Variants in NPIPB8 observed in about 807,000 individuals in gnomAD.
NPIPB8 encodes nuclear pore complex interacting protein family member B8.
In NPIPB8, 3 loss-of-function variants were observed where a neutral mutation model predicts 5.3. The ratio of observed to expected loss-of-function variants is 0.57; its 90% CI spans 0.26 to 1.47. The LOEUF (loss-of-function observed/expected upper bound fraction) is 1.47, where lower values mean the gene tolerates loss of function less well. NPIPB8 is among the 40% of genes most tolerant of loss of function. The pLI, the probability that NPIPB8 is intolerant of heterozygous loss-of-function variation, is 0.13. For synonymous variants in NPIPB8, 18 were observed against 23.0 expected (o/e 0.78, Z 0.62); for missense variants, 50 against 50.2 (o/e 1.00, Z 0.01).
chr16:28,639,298 T>A (rs1325009089), intron 2 of NPIPB8, among the ~76,000 whole-genome samples: 1 of 149,594 alleles, frequency 6.7e-6, no homozygotes, highest in Non-Finnish European at 1.5e-5. Flanking sequence ...CTACAAAAAG[T>A]CCAATAGTAA....
rs199893305 is a variant in NPIPB8 at position 28,652,610 on chromosome 16, T to C, written c.599+246T>C. ...CTGGCATTGGTTTTCCTTTCTCTCT[T>C]TTTTTTTTTTTTTTCCTGAGATGGA... On this transcript the variant is annotated intron_variant, in intron 5 of 7. Transcript: ENST00000683297. Among the ~76,000 whole-genome samples the C allele has an allele frequency of 1.4e-3, 133 of 94,130 alleles. 2 individuals carry two copies. Among genetic ancestry groups the C allele is most frequent in the Middle Eastern group, 4.1e-3 (1 of 242 alleles). The allele number at this position is 94,130 out of a possible 152,430, so 61.8% of individuals were successfully genotyped here. A position where few individuals can be genotyped will look rare whatever the true frequency, so the allele number is the denominator to read the frequency against.
At chr16:28,639,422 C>T (rs2047852146) in intron 2 of NPIPB8, among the ~76,000 whole-genome samples, 1 of 141,814 alleles carries the variant, frequency 7.1e-6, no homozygotes, top group Non-Finnish European at 1.5e-5. Flanking sequence ...CACAGACACA[C>T]ACACAGACAC....
At chr16:28,640,686 C>T (rs1246078516) in intron 2 of NPIPB8, among the ~76,000 whole-genome samples, 2 of 152,246 alleles carry the variant, frequency 1.3e-5, no homozygotes, top group Non-Finnish European at 2.9e-5. Flanking sequence ...CGCAGATTTG[C>T]TTTATCTTCA....
At chr16:28,641,323 C>G (rs1304896555) in intron 2 of NPIPB8, among the ~76,000 whole-genome samples, 2 of 150,742 alleles carry the variant, frequency 1.3e-5, no homozygotes, top group Non-Finnish European at 3.0e-5. Flanking sequence ...GACTTGGTGA[C>G]TCTACTTGCT....
intron 2 of NPIPB8, among the ~76,000 whole-genome samples, chr16:28,645,231 A>G (rs1485816719): frequency 8.5e-6 from 1 of 117,414 alleles, no homozygotes; most frequent in South Asian, 2.6e-4. Context: ...GGGTTTCACC[A>G]TGTTCGCCAG....
intron 2 of NPIPB8, among the ~76,000 whole-genome samples, chr16:28,639,452 T>G (rs2047853583): frequency 2.4e-5 from 2 of 82,784 alleles, no homozygotes; most frequent in Non-Finnish European, 5.4e-5. Context: ...CACATATATA[T>G]ATATTTTTTT....
intron 1 of NPIPB8, 44 bp from the exon 2 acceptor site, chr16:28,638,279 T>A (rs2047826762): frequency 1.3e-6 from 2 of 1,536,068 alleles, no homozygotes; most frequent in African/African-American, 2.8e-5. Context: ...ATCACCTTGT[T>A]TTTCCACTCA....
chr16:28,638,528 C>G, intron 2 of NPIPB8, 48 bp downstream of exon 2: 1 of 1,500,528 alleles, frequency 6.7e-7, no homozygotes, highest in East Asian at 2.4e-5. Flanking sequence ...GAGCAGTTCC[C>G]GGGTCTCAGC....
At chr16:28,652,862 A>G (rs2048066173) in intron 5 of NPIPB8, among the ~76,000 whole-genome samples, 3 of 135,320 alleles carry the variant, frequency 2.2e-5, no homozygotes, top group Admixed American at 7.3e-5. Context: ...TCAGCCTCCC[A>G]AAGTGCTGGG....
intron 2 of NPIPB8, among the ~76,000 whole-genome samples, chr16:28,640,106 G>T (rs1366507643): frequency 6.6e-6 from 1 of 151,872 alleles, no homozygotes; most frequent in Non-Finnish European, 1.5e-5. Context: ...TGAGGTTACA[G>T]TCAATAAGAG....
At chr16:28,643,130 T>C (rs1251805927) in intron 2 of NPIPB8, among the ~76,000 whole-genome samples, 1 of 150,634 alleles carries the variant, frequency 6.6e-6, no homozygotes, top group African/African-American at 2.4e-5. Flanking sequence ...GCCCTCTGGG[T>C]ATTGTGGGCA....
chr16:28,642,715 C>T (rs1031118965), intron 2 of NPIPB8, among the ~76,000 whole-genome samples: 1 of 151,428 alleles, frequency 6.6e-6, no homozygotes, highest in South Asian at 2.1e-4. Flanking sequence ...AACTCCTGAC[C>T]TTGTGATCCG....
At chr16:28,641,546 C>A (rs1295562587) in intron 2 of NPIPB8, among the ~76,000 whole-genome samples, 2 of 141,844 alleles carry the variant, frequency 1.4e-5, no homozygotes, top group Non-Finnish European at 3.2e-5. Flanking sequence ...GGAGCCCTAC[C>A]TTCTGGCCTT....
At chr16:28,643,050 C>T (rs2047934083) in intron 2 of NPIPB8, among the ~76,000 whole-genome samples, 1 of 151,914 alleles carries the variant, frequency 6.6e-6, no homozygotes, top group Non-Finnish European at 1.5e-5. Flanking sequence ...GGGGTCTGTC[C>T]TGGTCACCAG....
chr16:28,644,510 C>A lies in NPIPB8; in HGVS notation c.121-3625C>A, dbSNP rs556559214. ...CCCAACTCAGATCCGGCCCATTCCC[C>A]GTCCCCTTCCCTCCCCCCTGCCCTA... On this transcript the variant is annotated intron_variant, in intron 2 of 7. Coordinates refer to ENST00000683297, the MANE Select transcript of NPIPB8 (RefSeq NM_001310136.2). The A allele has an allele frequency of 3.1e-4, 312 of 994,266 alleles. 12 individuals are homozygous for A. The East Asian group carries it at 0.017, about 54-fold the overall frequency. 61.6% of individuals were successfully genotyped at this position (994,266 alleles called of 1,614,324 possible).
rs1054098 is a variant in NPIPB8, at chr16:28,639,954, T to A, written c.120+1474T>A. 4.8e-3 allele frequency among the ~76,000 whole-genome samples: 709 copies of A among 147,138 alleles called. 2 individuals are homozygous for A. Among genetic ancestry groups the A allele is most frequent in the Non-Finnish European group, 5.0e-3 (338 of 67,228 alleles). On this transcript the variant is annotated intron_variant, in intron 2 of 7. Transcript: ENST00000683297. ...TCATGAAGCTACATGGCTAACATTG[T>A]GTACTCACTGTGTGTGCCAGGCCCT...
intron 5 of NPIPB8, among the ~76,000 whole-genome samples, chr16:28,652,718 C>T (rs1388175225): frequency 1.5e-5 from 2 of 129,480 alleles, no homozygotes; most frequent in Admixed American, 7.7e-5. Context: ...TCTCCTGTCT[C>T]AGCCTCCCAA....
Position 28,638,376 on chromosome 16 carries a change from A to T in NPIPB8, c.16A>T (p.Ile6Phe), listed in dbSNP as rs748399717. 1.2e-5 allele frequency: 19 copies of T among 1,567,464 alleles called. No individual in the cohort carries two copies. In the South Asian group the frequency reaches 1.8e-4, roughly 15 times the overall value. Residue 6 changes from isoleucine to phenylalanine, a missense_variant, in exon 2 of 8, where the codon ATT (isoleucine) becomes TTT (phenylalanine). Physicochemically the swap from Ile to Phe is conservative, Grantham distance 21. Transcript: ENST00000683297. ...CATTCTGCAAATGGTGAAGCTCTCTATTGTCCTGACCCCACAGTTCCTGTC... is the reference window on the plus strand; with the variant it reads ...CATTCTGCAAATGGTGAAGCTCTCTTTTGTCCTGACCCCACAGTTCCTGTC... MVKLS[I>F]VLTPQFLSHD...
In NPIPB8 at chr16:28,638,187, T is replaced by C. The variant is rs1953051930; in HGVS notation, c.-39+37T>C. 4.0e-6 allele frequency: 4 copies of C among 988,294 alleles called. No homozygotes were observed. The South Asian group carries it at 5.1e-5, about 13-fold the overall frequency. 61.2% of individuals were successfully genotyped at this position (988,294 alleles called of 1,614,324 possible). ...TAAAGTAATTTTGCATGGCATGAAG[T>C]AGAAATTCAAAGTACAGGAATTTGA... On this transcript the variant is annotated intron_variant, in intron 1 of 7. Transcript: ENST00000683297.
Sources: allele counts gnomAD v4.1 joint callset (sites outside exome capture counted in the v4.1 genomes callset), GRCh38; gene constraint gnomAD v4.1.1; transcripts MANE v1.5; gene names NCBI Gene and HGNC (gene_info 2026-07-23, HGNC 2026-07-21).